MSRB3: variants seen among roughly 807,000 people sequenced by gnomAD.
MSRB3 encodes methionine sulfoxide reductase B3.
A neutral mutation model predicts 21.0 loss-of-function variants in MSRB3; 13 were observed. The ratio of observed to expected loss-of-function variants is 0.62; its 90% CI spans 0.40 to 0.98. MSRB3 has a LOEUF of 0.98. MSRB3 is among the 50% of genes least tolerant of loss of function. MSRB3 has a pLI of 0.00. For synonymous variants in MSRB3, 87 were observed against 88.6 expected (o/e 0.98, Z 0.10); for missense variants, 199 against 230.3 (o/e 0.86, Z 0.88).
At chr12:65,339,765 T>C (rs11175730) in intron 4 of MSRB3, among the ~76,000 whole-genome samples, 12,647 of 152,196 alleles carry the variant, frequency 0.083, 1,790 homozygotes, top group African/African-American at 0.29. Context: ...TAGATTCTCC[T>C]AAGCTTCAGC....
intron 5 of MSRB3, chr12:65,418,680 A>T (rs1403450406): frequency 1.5e-6 from 1 of 672,478 alleles, no homozygotes; most frequent in Non-Finnish European, 2.6e-6. Flanking sequence ...TGAACTTTTT[A>T]TTGGCTTCCA....
rs529084541 is a variant in MSRB3, at chr12:65,466,091, G to A, written c.*2769G>A. The A allele has an allele frequency of 1.3e-4, 19 of 151,940 alleles. No individual in the cohort carries two copies. Among genetic ancestry groups the A allele is most frequent in the Admixed American group, 3.9e-4 (6 of 15,276 alleles). The allele number at this position is 151,940 out of a possible 1,614,324, so 9.4% of individuals were successfully genotyped here. ...TTGTCATTGTTCCTTCATTTATATC[G>A]TAGGGCTTAACATTTCACTCAAAAA... On this transcript the variant is annotated 3_prime_UTR_variant, in exon 7 of 7. Coordinates refer to ENST00000308259, the MANE Select transcript of MSRB3 (RefSeq NM_001031679.3).
chr12:65,436,346 T>G (rs1051795772), intron 5 of MSRB3, among the ~76,000 whole-genome samples: 14 of 151,922 alleles, frequency 9.2e-5, no homozygotes, highest in African/African-American at 3.4e-4. Context: ...AATTAGTAGA[T>G]CCACCATTAA....
chr12:65,433,862 T>C (rs543832718), intron 5 of MSRB3, among the ~76,000 whole-genome samples: 1 of 152,044 alleles, frequency 6.6e-6, no homozygotes, highest in South Asian at 2.1e-4. Context: ...TCCACTTGTA[T>C]ATCTCTGGTG....
chr12:65,336,480 A>G (rs978588918), intron 4 of MSRB3, among the ~76,000 whole-genome samples: 2 of 152,228 alleles, frequency 1.3e-5, no homozygotes, highest in African/African-American at 4.8e-5. Context: ...AAAGTGAGGA[A>G]AGAACAATCT....
chr12:65,461,307 G>T (rs1329481120), intron 6 of MSRB3, among the ~76,000 whole-genome samples: 1 of 152,180 alleles, frequency 6.6e-6, no homozygotes, highest in African/African-American at 2.4e-5. Context: ...AGCTGTGGAT[G>T]CCTAAAAATT....
chr12:65,435,291 C>G (rs1882064879), intron 5 of MSRB3, among the ~76,000 whole-genome samples: 1 of 151,900 alleles, frequency 6.6e-6, no homozygotes, highest in African/African-American at 2.4e-5. Context: ...AAGATCAAAT[C>G]TATATTTTAA....
At chr12:65,295,374 A>G (rs1001347272) in intron 1 of MSRB3, among the ~76,000 whole-genome samples, 1 of 152,144 alleles carries the variant, frequency 6.6e-6, no homozygotes, top group South Asian at 2.1e-4. Context: ...TTGACATTCT[A>G]TATGATTTTG....
intron 5 of MSRB3, among the ~76,000 whole-genome samples, chr12:65,433,254 A>G (rs1378241981): frequency 6.6e-6 from 1 of 151,792 alleles, no homozygotes; most frequent in Non-Finnish European, 1.5e-5. Flanking sequence ...TCTGTTACAA[A>G]TTTATCTTTC....
chr12:65,381,529 T>C (rs943671509), intron 5 of MSRB3, among the ~76,000 whole-genome samples: 6 of 152,158 alleles, frequency 3.9e-5, no homozygotes, highest in African/African-American at 1.2e-4. Context: ...TTAAGGAACA[T>C]GTACAAATGT....
At chr12:65,361,823 A>G (rs1188896017) in intron 4 of MSRB3, among the ~76,000 whole-genome samples, 1 of 152,142 alleles carries the variant, frequency 6.6e-6, no homozygotes, top group Non-Finnish European at 1.5e-5. Flanking sequence ...TCATGTTTTC[A>G]AAGTGGCTTG....
At chr12:65,305,589 G>A (rs1039523358) in intron 1 of MSRB3, among the ~76,000 whole-genome samples, 4 of 152,060 alleles carry the variant, frequency 2.6e-5, no homozygotes, top group Non-Finnish European at 5.9e-5. Context: ...TAAGACCTTA[G>A]GCCATTTACT....
intron 4 of MSRB3, 109 bp from the exon 5 acceptor site, chr12:65,368,889 G>A: frequency 1.4e-6 from 1 of 703,760 alleles, no homozygotes; most frequent in East Asian, 2.9e-5. Flanking sequence ...AATATACACT[G>A]AAAAATGTAA....
At chr12:65,356,897 A>G (rs1046152613) in intron 4 of MSRB3, among the ~76,000 whole-genome samples, 3 of 151,932 alleles carry the variant, frequency 2.0e-5, no homozygotes, top group African/African-American at 7.2e-5. Context: ...TTTTCAAGGC[A>G]GTTATATACT....
chr12:65,450,424 A>G (rs80172065), intron 5 of MSRB3, among the ~76,000 whole-genome samples: 332 of 152,328 alleles, frequency 2.2e-3, no homozygotes, highest in Non-Finnish European at 3.9e-3. Context: ...ATCCTTGATA[A>G]TAATAGGCTA....
intron 5 of MSRB3, among the ~76,000 whole-genome samples, chr12:65,403,911 C>T (rs113126582): frequency 0.029 from 4,349 of 152,262 alleles, 115 homozygotes; most frequent in African/African-American, 0.059. Context: ...CACCCTGCTT[C>T]GGCTCCCCCT....
chr12:65,382,605 A>G (rs1031598792), intron 5 of MSRB3, among the ~76,000 whole-genome samples: 2 of 151,716 alleles, frequency 1.3e-5, no homozygotes, highest in South Asian at 2.1e-4. Flanking sequence ...AATTTATTCA[A>G]TTTTTTTTCA....
chr12:65,306,279 A>G (rs1873648639), intron 1 of MSRB3, among the ~76,000 whole-genome samples: 2 of 152,238 alleles, frequency 1.3e-5, no homozygotes, highest in African/African-American at 2.4e-5. Flanking sequence ...TCATTTCAGT[A>G]TAAAAATACA....
At chr12:65,346,746 T>G (rs1876539763) in intron 4 of MSRB3, among the ~76,000 whole-genome samples, 1 of 152,198 alleles carries the variant, frequency 6.6e-6, no homozygotes. Context: ...TCAATCCATC[T>G]TGAATTAATT....
Sources: gnomAD v4.1 joint callset for allele counts (sites outside exome capture counted in the v4.1 genomes callset) on GRCh38, gnomAD v4.1.1 for gene constraint, MANE v1.5 for transcripts, NCBI Gene and HGNC (gene_info 2026-07-23, HGNC 2026-07-21) for gene names.